CADM2: variants seen among roughly 807,000 people sequenced by gnomAD.
CADM2 encodes the protein cell adhesion molecule 2.
A neutral mutation model predicts 49.8 loss-of-function variants in CADM2; 12 were observed. That is an observed-to-expected ratio of 0.24 (90% confidence interval 0.15 to 0.39). CADM2 has a LOEUF of 0.39. Ranked by LOEUF, CADM2 falls within the 10% of genes least tolerant of loss-of-function variation. The pLI is 1.00. For synonymous variants in CADM2, 214 were observed against 175.4 expected, an observed-to-expected ratio of 1.22 and a Z score of -1.74; for missense variants, 378 against 492.3, an observed-to-expected ratio of 0.77 and a Z score of 2.20.
intron 1 of CADM2, among the ~76,000 whole-genome samples, chr3:85,412,417 T>G (rs1322570979): frequency 6.6e-6 from 1 of 152,122 alleles, no homozygotes; most frequent in Non-Finnish European, 1.5e-5. Flanking sequence ...ACAATTACAG[T>G]TTTTTGGGAC....
chr3:85,668,299 A>G (rs2065634386), intron 1 of CADM2, among the ~76,000 whole-genome samples: 1 of 148,852 alleles, frequency 6.7e-6, no homozygotes, highest in Non-Finnish European at 1.5e-5. Flanking sequence ...CCAAAGCAAA[A>G]AAAAAAAAAA....
intron 2 of CADM2, among the ~76,000 whole-genome samples, chr3:85,756,967 T>C (rs747495681): frequency 6.6e-6 from 1 of 152,142 alleles, no homozygotes; most frequent in Non-Finnish European, 1.5e-5. Context: ...ATCATTTGAC[T>C]TTTCACAACA....
In CADM2 at chr3:85,531,109, G is replaced by A. The variant is rs559066227; in HGVS notation, c.62-195413G>A. On this transcript the variant is annotated intron_variant, in intron 1 of 9. Transcript: ENST00000383699. Reference sequence around the variant, plus strand: ...AGCATTGGTTTTTACCTGTGAACCCGATTCACTGAATATCCTTCTACTAAA... The same window carrying A: ...AGCATTGGTTTTTACCTGTGAACCCAATTCACTGAATATCCTTCTACTAAA... 4.9e-3 allele frequency among the ~76,000 whole-genome samples: 749 copies of A among 152,192 alleles called. 2 individuals carry two copies. Among genetic ancestry groups the A allele is most frequent in the Non-Finnish European group, 7.7e-3 (524 of 68,012 alleles).
At chr3:85,271,742 G>A (rs1345652554) in intron 1 of CADM2, among the ~76,000 whole-genome samples, 1 of 150,648 alleles carries the variant, frequency 6.6e-6, no homozygotes, top group African/African-American at 2.4e-5. Context: ...CTGTAAAATT[G>A]GCATAGGGTT....
At chr3:85,598,657 T>A (rs1291436864) in intron 1 of CADM2, among the ~76,000 whole-genome samples, 2 of 151,806 alleles carry the variant, frequency 1.3e-5, no homozygotes, top group Non-Finnish European at 1.5e-5. Flanking sequence ...TAAAAAAAAA[T>A]ATTTACTGAC....
rs936505205 is a variant in CADM2 at position 85,401,684 on chromosome 3, T to G, written c.62-324838T>G. ...AAATCTGGGTCTCTTAGTTTACACA[T>G]TTGGAGGGACCCTGTAGTCCTCTCT... On this transcript the variant is annotated intron_variant, in intron 1 of 9. Transcript: ENST00000383699. 2.0e-5 allele frequency among the ~76,000 whole-genome samples: 3 copies of G among 152,122 alleles called. No individual in the cohort carries two copies. In the South Asian group the frequency reaches 6.2e-4, roughly 32 times the overall value.
intron 1 of CADM2, among the ~76,000 whole-genome samples, chr3:85,505,568 T>C (rs2107674450): frequency 6.6e-6 from 1 of 152,304 alleles, no homozygotes; most frequent in East Asian, 1.9e-4. Context: ...GGGATAACAT[T>C]AATGTGTTTT....
At chr3:85,519,028 T>C (rs995027306) in intron 1 of CADM2, among the ~76,000 whole-genome samples, 1 of 152,142 alleles carries the variant, frequency 6.6e-6, no homozygotes, top group African/African-American at 2.4e-5. Flanking sequence ...TAGTCATATT[T>C]GTTTTATTAA....
chr3:85,669,720 C>A (rs2065678856), intron 1 of CADM2, among the ~76,000 whole-genome samples: 1 of 152,068 alleles, frequency 6.6e-6, no homozygotes, highest in African/African-American at 2.4e-5. Context: ...AATGATAAAT[C>A]TTTAAGCCTA....
At chr3:85,727,692 A>T (rs1290447762) in intron 2 of CADM2, among the ~76,000 whole-genome samples, 4 of 152,176 alleles carry the variant, frequency 2.6e-5, no homozygotes, top group Admixed American at 6.6e-5. Context: ...TACAAACTAT[A>T]CACACTGCAC....
chr3:85,808,888 G>A (rs902541612), intron 3 of CADM2, among the ~76,000 whole-genome samples: 2 of 152,010 alleles, frequency 1.3e-5, no homozygotes, highest in African/African-American at 4.8e-5. Flanking sequence ...AACTAAGACC[G>A]ATAAAGAGAA....
chr3:85,659,991 C>A (rs865894127), intron 1 of CADM2, among the ~76,000 whole-genome samples: 4 of 152,236 alleles, frequency 2.6e-5, no homozygotes, highest in Middle Eastern at 3.4e-3. Context: ...CCAATACCTT[C>A]TTTATTACTT....
chr3:84,991,783 G>A (rs564495007), intron 1 of CADM2, among the ~76,000 whole-genome samples: 2 of 152,208 alleles, frequency 1.3e-5, no homozygotes, highest in South Asian at 4.2e-4. Context: ...ATAAACTGTG[G>A]TTCATTCAAA....
chr3:85,662,815 T>G (rs993552483), intron 1 of CADM2, among the ~76,000 whole-genome samples: 2 of 152,066 alleles, frequency 1.3e-5, no homozygotes, highest in Admixed American at 6.6e-5. Flanking sequence ...TTGTGATTGT[T>G]TTATTACTTG....
rs541840484 is a variant in CADM2 at position 86,074,383 on chromosome 3, T to TAC, written c.*7601_*7602insCA. 1 of 152,060 alleles carries TAC rather than the reference T, an allele frequency of 6.6e-6. No homozygotes were observed. The highest frequency in any genetic ancestry group is 1.5e-5 in the Non-Finnish European group (1 of 67,916). The allele number at this position is 152,060 out of a possible 1,614,324, so 9.4% of individuals were successfully genotyped here. A position where few individuals can be genotyped will look rare whatever the true frequency, so the allele number is the denominator to read the frequency against. Reference sequence around the variant, plus strand: ...GTGTCATTGGGTCTCATATTTGTGTTAGACCATGAAATATTCCATTAAAAT... The same window carrying TAC: ...GTGTCATTGGGTCTCATATTTGTGTTACAGACCATGAAATATTCCATTAAAAT... On this transcript the variant is annotated 3_prime_UTR_variant, in exon 10 of 10. Coordinates refer to ENST00000383699, the MANE Select transcript of CADM2 (RefSeq NM_001167675.2).
intron 1 of CADM2, among the ~76,000 whole-genome samples, chr3:85,447,393 A>G: frequency 6.6e-6 from 1 of 151,978 alleles, no homozygotes; most frequent in Non-Finnish European, 1.5e-5. Context: ...TCCTTTCAGT[A>G]TTTTCCTTCT....
rs1330192559 is a variant in CADM2, at chr3:85,883,350, G to A, written c.298G>A (p.Val100Ile). Residue 100 changes from valine to isoleucine, a missense_variant, in exon 4 of 10, where the codon GTC becomes ATC. Physicochemically the swap from Val to Ile is conservative, Grantham distance 29. Transcript: ENST00000383699. ...TTCCTGGCATGAATTGAGTATTAGT[G>A]TCAGTGATGTGTCTCTCTCTGATGA... ...RASWHELSISVSDVSLSDEGQ... is the reference protein window; with the variant it reads ...RASWHELSISISDVSLSDEGQ... 1.9e-6 allele frequency: 3 copies of A among 1,613,660 alleles called. No homozygotes were observed. In the East Asian group the frequency reaches 6.7e-5, roughly 36 times the overall value.
chr3:85,721,903 A>G (rs1374665474), intron 1 of CADM2, among the ~76,000 whole-genome samples: 2 of 152,364 alleles, frequency 1.3e-5, no homozygotes, highest in African/African-American at 4.8e-5. Flanking sequence ...ACACCCAGGA[A>G]GAATGAGACA....
Position 84,959,338 on chromosome 3 carries a change from T to G in CADM2, c.-270T>G. On this transcript the variant is annotated 5_prime_UTR_variant, in exon 1 of 10. Coordinates refer to ENST00000383699, the MANE Select transcript of CADM2 (RefSeq NM_001167675.2). ...GAGAGGAAGGCAAGCTCCAAACCCCTGCCTGGAAGACGGGCTGTCGCGGCT... is the reference window on the plus strand; with the variant it reads ...GAGAGGAAGGCAAGCTCCAAACCCCGGCCTGGAAGACGGGCTGTCGCGGCT... 1.8e-6 allele frequency: 1 copy of G among 562,210 alleles called. No individual in the cohort carries two copies. Among genetic ancestry groups the G allele is most frequent in the Admixed American group, 3.2e-5 (1 of 31,082 alleles). The allele number at this position is 562,210 out of a possible 1,614,324, so 34.8% of individuals were successfully genotyped here. A position where few individuals can be genotyped will look rare whatever the true frequency, so the allele number is the denominator to read the frequency against.
Sources: allele counts gnomAD v4.1 joint callset (sites outside exome capture counted in the v4.1 genomes callset), GRCh38; gene constraint gnomAD v4.1.1; transcripts MANE v1.5; gene names NCBI Gene and HGNC (gene_info 2026-07-23, HGNC 2026-07-21).